Variants in PCDHGA7 observed in about 807,000 individuals in gnomAD.
PCDHGA7 encodes the protein protocadherin gamma subfamily A, 7, also known as protocadherin gamma-A7.
Under a neutral mutation model 58.3 loss-of-function variants are expected in PCDHGA7, and 44 were observed. That is an observed-to-expected ratio of 0.75 (90% confidence interval 0.59 to 0.97). PCDHGA7 has a LOEUF of 0.97. Ranked by LOEUF, PCDHGA7 falls within the 50% of genes least tolerant of loss-of-function variation. The pLI is 0.00. For synonymous variants in PCDHGA7, 516 were observed against 504.2 expected (o/e 1.02, Z -0.31); for missense variants, 1,266 against 1,188.7 (o/e 1.06, Z -0.96).
At chr5:141,469,743 A>G (rs1166798506) in intron 1 of PCDHGA7, among the ~76,000 whole-genome samples, 1 of 152,252 alleles carries the variant, frequency 6.6e-6, no homozygotes, top group Non-Finnish European at 1.5e-5. Context: ...CACCTCAAAA[A>G]TTACAAAAAT....
At chr5:141,404,382 A>G (rs765708858) in intron 1 of PCDHGA7, 27 of 1,613,860 alleles carry the variant, frequency 1.7e-5, no homozygotes, top group South Asian at 1.2e-4. Context: ...GTGATTGCCT[A>G]TGACCCTGAT....
chr5:141,478,454 A>T, intron 1 of PCDHGA7: 1 of 1,613,596 alleles, frequency 6.2e-7, no homozygotes. Flanking sequence ...TGGTGCAGCC[A>T]GTCCACTGGC....
At chr5:141,389,790 G>A (rs1328126483) in intron 1 of PCDHGA7, 4 of 1,613,352 alleles carry the variant, frequency 2.5e-6, no homozygotes, top group Non-Finnish European at 3.4e-6. Flanking sequence ...CAGGGACGCC[G>A]TCCGCCAGCG....
At position 141,486,735 on chromosome 5, in the gene PCDHGA7, G is replaced by T; in HGVS notation, c.2425-8072G>T. 6.2e-7 allele frequency: 1 copy of T among 1,614,176 alleles called. No individual in the cohort carries two copies. The highest frequency in any genetic ancestry group is 1.1e-5 in the South Asian group (1 of 91,086). On this transcript the variant is annotated intron_variant, in intron 1 of 3. Coordinates refer to ENST00000518325, the MANE Select transcript of PCDHGA7 (RefSeq NM_018920.4). The surrounding 1 kb of genome is among the most constrained non-coding windows in gnomAD (Gnocchi z 5.0). Reference sequence around the variant, plus strand: ...CAGACAGGAGCTGTTCATGCTACTCGATCCTTTGACTATGAGCAAACCCAG... The same window carrying T: ...CAGACAGGAGCTGTTCATGCTACTCTATCCTTTGACTATGAGCAAACCCAG...
intron 1 of PCDHGA7, among the ~76,000 whole-genome samples, chr5:141,443,780 A>G (rs1337883957): frequency 6.6e-6 from 1 of 152,202 alleles, no homozygotes; most frequent in Non-Finnish European, 1.5e-5. Flanking sequence ...TACCAAAAAG[A>G]CAAAAAAAAT....
chr5:141,415,747 T>TTTG, intron 1 of PCDHGA7: 1 of 797,602 alleles, frequency 1.3e-6, no homozygotes, highest in East Asian at 4.8e-5. Flanking sequence ...AAGGTTTTTT[T>TTTG]TTTTTTTTTT....
rs918375556 is a variant in PCDHGA7, at chr5:141,489,318, G to C, written c.2425-5489G>C. 6.3e-7 allele frequency: 1 copy of C among 1,598,974 alleles called. No individual in the cohort carries two copies. Among genetic ancestry groups the C allele is most frequent in the African/African-American group, 1.3e-5 (1 of 74,510 alleles). On this transcript the variant is annotated intron_variant, in intron 1 of 3. Coordinates refer to ENST00000518325, the MANE Select transcript of PCDHGA7 (RefSeq NM_018920.4). The surrounding 1 kb of genome is among the most constrained non-coding windows in gnomAD (Gnocchi z 4.5). ...TGTTGTCCTTGTGCTGCTGGGGCTG[G>C]GTGTCTGGGCAGCTTCGTTACTCAG...
At chr5:141,390,634 T>C (rs1003300188) in intron 1 of PCDHGA7, 36 of 236,246 alleles carry the variant, frequency 1.5e-4, no homozygotes, top group African/African-American at 7.4e-4. Context: ...ATATGATGAA[T>C]ACTTTTTTCA....
At chr5:141,399,450 C>T in intron 1 of PCDHGA7, 3 of 1,614,018 alleles carry the variant, frequency 1.9e-6, no homozygotes, top group Non-Finnish European at 1.7e-6. Context: ...TCAGAGACGT[C>T]AACGATAACG....
chr5:141,385,312 C>T lies in PCDHGA7; in HGVS notation c.2413C>T (p.Pro805Ser), dbSNP rs1781113045. 1 of 1,611,422 alleles carries T rather than the reference C, an allele frequency of 6.2e-7. No individual in the cohort carries two copies. Among genetic ancestry groups the T allele is most frequent in the African/African-American group, 1.3e-5 (1 of 74,896 alleles). ...VDFQECKENLPSIQQAPPNTD... is the reference protein window; with the variant it reads ...VDFQECKENLSSIQQAPPNTD... ...TTTTCAGGAATGTAAAGAAAACCTGCCAAGTATTCAGGTGAGCCCAGCCCT... is the reference window on the plus strand; with the variant it reads ...TTTTCAGGAATGTAAAGAAAACCTGTCAAGTATTCAGGTGAGCCCAGCCCT... Residue 805 changes from proline to serine, a missense_variant, in exon 1 of 4, where the codon CCA (proline) becomes TCA (serine). Physicochemically the swap from Pro to Ser is moderately conservative, Grantham distance 74 (BLOSUM62 -1). Transcript: ENST00000518325.
At chr5:141,495,209 C>T (rs548415564) in intron 2 of PCDHGA7, among the ~76,000 whole-genome samples, 1 of 152,342 alleles carries the variant, frequency 6.6e-6, no homozygotes, top group Admixed American at 6.5e-5. Flanking sequence ...GCCTAACCCC[C>T]TCCCCTGAGT....
chr5:141,433,076 C>T, intron 1 of PCDHGA7: 1 of 1,614,188 alleles, frequency 6.2e-7, no homozygotes, highest in Non-Finnish European at 8.5e-7. Context: ...CTTCCCCCAG[C>T]CCAACTATGC....
intron 1 of PCDHGA7, among the ~76,000 whole-genome samples, chr5:141,481,676 G>A (rs975849679): frequency 3.3e-5 from 5 of 152,028 alleles, no homozygotes; most frequent in Admixed American, 1.3e-4. Flanking sequence ...AAATCAGGCC[G>A]GGCCTGGTGG....
intron 1 of PCDHGA7, chr5:141,389,542 G>A (rs765744557): frequency 5.0e-6 from 8 of 1,613,080 alleles, no homozygotes; most frequent in African/African-American, 2.7e-5. Flanking sequence ...GTGGACGACC[G>A]CAACGACAAT....
At chr5:141,421,444 A>T in intron 1 of PCDHGA7, 1 of 1,614,020 alleles carries the variant, frequency 6.2e-7, no homozygotes, top group Non-Finnish European at 8.5e-7. Flanking sequence ...CAGAGGGAAG[A>T]CACAGCTTTT....
In PCDHGA7 at chr5:141,491,276, A is replaced by G; in HGVS notation, c.2425-3531A>G. The G allele has an allele frequency of 6.2e-7, 1 of 1,614,104 alleles. No individual in the cohort carries two copies. On this transcript the variant is annotated intron_variant, in intron 1 of 3. Coordinates refer to ENST00000518325, the MANE Select transcript of PCDHGA7 (RefSeq NM_018920.4). The surrounding 1 kb of genome is among the most constrained non-coding windows in gnomAD (Gnocchi z 6.9). ...CCTGAGGAAATGCCCAAATCCAGTG[A>G]CTTCCTCATACACCCTCCTGAGCGT...
At chr5:141,404,694 C>A in intron 1 of PCDHGA7, 5 of 1,614,116 alleles carry the variant, frequency 3.1e-6, no homozygotes, top group Non-Finnish European at 4.2e-6. Context: ...GCACCCCGCT[C>A]TGCAGAGCCT....
rs568542355 is a variant in PCDHGA7, at chr5:141,431,678, T to C, written c.2424+46355T>C. 4 of 1,614,084 alleles carry C rather than the reference T, an allele frequency of 2.5e-6. No individual in the cohort carries two copies. Among genetic ancestry groups the C allele is most frequent in the African/African-American group, 2.7e-5 (2 of 75,012 alleles). ...AGGGACAATATCAACAATAGGGGAG[T>C]TGGACCACGAGGAGTCAGGATTCTA... On this transcript the variant is annotated intron_variant, in intron 1 of 3. Transcript: ENST00000518325. The surrounding 1 kb of genome is among the most constrained non-coding windows in gnomAD (Gnocchi z 4.8).
Position 141,435,556 on chromosome 5 carries a change from G to C in PCDHGA7, c.2424+50233G>C, listed in dbSNP as rs568743865. ...AGAATTAACAAAATGTGTTTTGAGT[G>C]CTTTTTTTAGTACTGGGGCAAATTT... is the stretch of plus-strand genomic sequence containing the variant. On this transcript the variant is annotated intron_variant, in intron 1 of 3. Transcript: ENST00000518325. Among the ~76,000 whole-genome samples, 7 of 152,242 alleles carry C rather than the reference G, an allele frequency of 4.6e-5. 1 individual carries two copies. Among genetic ancestry groups the C allele is most frequent in the African/African-American group, 1.4e-4 (6 of 41,544 alleles).
Sources: allele counts gnomAD v4.1 joint callset (sites outside exome capture counted in the v4.1 genomes callset), GRCh38; gene constraint gnomAD v4.1.1; non-coding constraint Gnocchi (gnomAD v3.1); transcripts MANE v1.5; gene names NCBI Gene and HGNC (gene_info 2026-07-23, HGNC 2026-07-21).